SLC2A14: variants seen among roughly 807,000 people sequenced by gnomAD.
SLC2A14 encodes solute carrier family 2 member 14.
In SLC2A14, 13 loss-of-function variants were observed where a neutral mutation model predicts 43.0. The observed-to-expected ratio is 0.30, with a 90% CI of 0.20 to 0.48. The LOEUF (loss-of-function observed/expected upper bound fraction) is 0.48. Among genes scored for constraint, SLC2A14 ranks in the 20% least tolerant of loss-of-function variants. SLC2A14 has a pLI of 0.99. For synonymous variants in SLC2A14, 190 were observed against 233.8 expected (o/e 0.81, Z 1.71); for missense variants, 428 against 620.4 (o/e 0.69, Z 3.29).
At chr12:7,884,310 C>T (rs1199004448) in intron 1 of SLC2A14, among the ~76,000 whole-genome samples, 3 of 152,130 alleles carry the variant, frequency 2.0e-5, no homozygotes, top group Non-Finnish European at 4.4e-5. Flanking sequence ...AGGCTGGGAC[C>T]TCTTGCTCCT....
At chr12:7,873,090 G>A (rs1205190982), upstream of SLC2A14, 17 of 985,272 alleles carry the variant, frequency 1.7e-5, no homozygotes, top group Non-Finnish European at 1.8e-5. Context: ...CCTGCGCACC[G>A]CACGGTCCAG....
chr12:7,831,549 T>A, intron 4 of SLC2A14, 55 bp downstream of exon 4: 1 of 1,607,358 alleles, frequency 6.2e-7, no homozygotes, highest in Non-Finnish European at 8.5e-7. Context: ...CTCTCCACAC[T>A]TGTCCCCAAT....
intron 1 of SLC2A14, among the ~76,000 whole-genome samples, chr12:7,883,886 A>G (rs1945639530): frequency 6.6e-6 from 1 of 150,824 alleles, no homozygotes; most frequent in Admixed American, 6.6e-5. Flanking sequence ...CCTGGCCCAC[A>G]AATGCTTTCT....
chr12:7,874,998 A>G (rs1413493939), upstream of SLC2A14, among the ~76,000 whole-genome samples: 1 of 105,480 alleles, frequency 9.5e-6, no homozygotes, highest in Non-Finnish European at 1.7e-5. Flanking sequence ...TAAATTATAT[A>G]TAAATACATA....
intron 1 of SLC2A14, among the ~76,000 whole-genome samples, chr12:7,878,488 A>T (rs1480987203): frequency 1.3e-5 from 2 of 150,948 alleles, no homozygotes; most frequent in Non-Finnish European, 3.0e-5. Flanking sequence ...TGAACTCCTA[A>T]CGTCAAGAGA....
At chr12:7,867,331 G>A (rs1944982874) in intron 2 of SLC2A14, among the ~76,000 whole-genome samples, 1 of 149,554 alleles carries the variant, frequency 6.7e-6, no homozygotes, top group Non-Finnish European at 1.5e-5. Flanking sequence ...CATGGGAGGA[G>A]GTCAAAATGT....
chr12:7,815,204 A>G (rs1234920500), intron 10 of SLC2A14, among the ~76,000 whole-genome samples: 1 of 151,376 alleles, frequency 6.6e-6, no homozygotes, highest in African/African-American at 2.4e-5. Flanking sequence ...TGAGGCCAGG[A>G]GTTTGAGACC....
intron 1 of SLC2A14, among the ~76,000 whole-genome samples, chr12:7,885,149 T>C (rs920311892): frequency 5.3e-5 from 8 of 152,156 alleles, no homozygotes; most frequent in African/African-American, 1.9e-4. Flanking sequence ...GAAATTTTTT[T>C]TTCCAGCACC....
chr12:7,848,590 T>C (rs1450161060), intron 2 of SLC2A14, among the ~76,000 whole-genome samples: 4 of 151,838 alleles, frequency 2.6e-5, no homozygotes, highest in African/African-American at 9.7e-5. Context: ...GTTTTTGCTC[T>C]TGTCGCCCAG....
intron 4 of SLC2A14, 55 bp downstream of exon 4, chr12:7,831,549 T>C: frequency 6.2e-7 from 1 of 1,607,358 alleles, no homozygotes; most frequent in Admixed American, 1.7e-5. Flanking sequence ...CTCTCCACAC[T>C]TGTCCCCAAT....
chr12:7,864,004 G>A (rs1278001619), intron 2 of SLC2A14, among the ~76,000 whole-genome samples: 1 of 151,516 alleles, frequency 6.6e-6, no homozygotes, highest in Non-Finnish European at 1.5e-5. Flanking sequence ...TTTTAGTAGA[G>A]CCAGGGTTTC....
At chr12:7,863,658 G>C (rs1189298891) in intron 2 of SLC2A14, among the ~76,000 whole-genome samples, 6 of 151,774 alleles carry the variant, frequency 4.0e-5, no homozygotes, top group African/African-American at 1.5e-4. Context: ...TACGGACATA[G>C]CTCATTCAAT....
chr12:7,840,253 G>T (rs1267978427), intron 2 of SLC2A14, among the ~76,000 whole-genome samples: 2 of 140,948 alleles, frequency 1.4e-5, no homozygotes, highest in African/African-American at 5.3e-5. Flanking sequence ...AGCAACAGTC[G>T]CCATCTTAGA....
chr12:7,869,969 A>C (rs1945136468), intron 1 of SLC2A14, 32 bp from the exon 2 acceptor site: 1 of 1,375,420 alleles, frequency 7.3e-7, no homozygotes, highest in Admixed American at 2.1e-5. Context: ...TTATTCATTT[A>C]CTCCATCTAC....
At chr12:7,884,791 G>A (rs1486043481) in intron 1 of SLC2A14, among the ~76,000 whole-genome samples, 1 of 152,092 alleles carries the variant, frequency 6.6e-6, no homozygotes, top group African/African-American at 2.4e-5. Flanking sequence ...ACTTTGGAAG[G>A]CATTCTTAGA....
At chr12:7,858,237 A>G (rs1944358879) in intron 2 of SLC2A14, among the ~76,000 whole-genome samples, 1 of 152,182 alleles carries the variant, frequency 6.6e-6, no homozygotes, top group Admixed American at 6.5e-5. Context: ...CATTCCTGTC[A>G]GTCATCAACA....
chr12:7,845,550 C>T (rs1425521785), intron 2 of SLC2A14, among the ~76,000 whole-genome samples: 4 of 151,188 alleles, frequency 2.6e-5, no homozygotes, highest in Admixed American at 2.0e-4. Context: ...GAGGCCGAGG[C>T]GGGTGGATCA....
intron 2 of SLC2A14, among the ~76,000 whole-genome samples, chr12:7,840,532 A>ACCACACCCACAC (rs150978262): frequency 6.6e-6 from 1 of 151,812 alleles, no homozygotes; most frequent in African/African-American, 2.4e-5. Context: ...GGCACCCGCC[A>ACCACACCCACAC]CCACACCCAC....
At chr12:7,826,860 T>TTC (rs1555121669) in intron 7 of SLC2A14, among the ~76,000 whole-genome samples, 3,545 of 71,416 alleles carry the variant, frequency 0.05, 436 homozygotes, top group Admixed American at 0.091. Flanking sequence ...CTTCCTTTCT[T>TTC]TTTTCTTTCT....
Sources: allele counts gnomAD v4.1 joint callset (sites outside exome capture counted in the v4.1 genomes callset), GRCh38; gene constraint gnomAD v4.1.1; transcripts MANE v1.5; gene names NCBI Gene and HGNC (gene_info 2026-07-23, HGNC 2026-07-21).